ADARB2: variants seen among roughly 807,000 people sequenced by gnomAD.
ADARB2 encodes the protein adenosine deaminase RNA specific B2 (inactive), also known as inactive double-stranded RNA-specific editase B2.
A neutral mutation model predicts 62.2 loss-of-function variants in ADARB2; 25 were observed. The observed-to-expected ratio is 0.40, with a 90% CI of 0.29 to 0.56. ADARB2 has a LOEUF of 0.56. Among genes scored for constraint, ADARB2 ranks in the 20% least tolerant of loss-of-function variants. The pLI is 0.43. For synonymous variants in ADARB2, 572 were observed against 500.8 expected (o/e 1.14, Z -1.90); for missense variants, 1,071 against 1,077.4 (o/e 0.99, Z 0.08).
At chr10:1,245,902 G>C (rs1830982275) in intron 4 of ADARB2, among the ~76,000 whole-genome samples, 1 of 151,524 alleles carries the variant, frequency 6.6e-6, no homozygotes, top group Non-Finnish European at 1.5e-5. Flanking sequence ...AGATCCCTGA[G>C]GAATCACCAT....
intron 3 of ADARB2, among the ~76,000 whole-genome samples, chr10:1,322,512 G>A (rs1349242987): frequency 2.0e-5 from 3 of 152,176 alleles, no homozygotes; most frequent in Non-Finnish European, 4.4e-5. Context: ...GGAGAATGAT[G>A]AGAAAAGAAG....
At chr10:1,729,906 G>C (rs969990837) in intron 1 of ADARB2, among the ~76,000 whole-genome samples, 3 of 152,226 alleles carry the variant, frequency 2.0e-5, no homozygotes, top group African/African-American at 7.2e-5. Context: ...CAGAGCTTCT[G>C]TCTGTCGGCA....
intron 1 of ADARB2, among the ~76,000 whole-genome samples, chr10:1,512,239 G>A (rs1331027664): frequency 1.3e-5 from 2 of 151,842 alleles, no homozygotes; most frequent in African/African-American, 2.4e-5. Context: ...TGTTGATGCT[G>A]TCTACACTGG....
At chr10:1,469,666 A>G (rs1831297275) in intron 1 of ADARB2, among the ~76,000 whole-genome samples, 1 of 152,314 alleles carries the variant, frequency 6.6e-6, no homozygotes, top group African/African-American at 2.4e-5. Flanking sequence ...CAAAAAAGAA[A>G]ACAGTGCTTT....
chr10:1,505,130 G>C (rs1051067680), intron 1 of ADARB2, among the ~76,000 whole-genome samples: 3 of 150,748 alleles, frequency 2.0e-5, no homozygotes, highest in Non-Finnish European at 4.4e-5. Flanking sequence ...ACATAGACAT[G>C]CACACATACA....
intron 1 of ADARB2, among the ~76,000 whole-genome samples, chr10:1,719,022 G>A (rs532482848): frequency 6.0e-4 from 91 of 152,124 alleles, no homozygotes; most frequent in Non-Finnish European, 9.6e-4. Context: ...GTGCAGTGGC[G>A]TGATGTCAGC....
At chr10:1,247,485 T>C (rs1019112365) in intron 4 of ADARB2, among the ~76,000 whole-genome samples, 2 of 152,180 alleles carry the variant, frequency 1.3e-5, no homozygotes, top group African/African-American at 2.4e-5. Flanking sequence ...ATAGCTCTTA[T>C]TATTTTGAGA....
chr10:1,421,176 C>G (rs553500972), intron 1 of ADARB2, among the ~76,000 whole-genome samples: 2 of 152,078 alleles, frequency 1.3e-5, no homozygotes, highest in South Asian at 4.2e-4. Context: ...TTGATTAACC[C>G]GGACCAAAGG....
At chr10:1,578,996 C>T (rs1833059762) in intron 1 of ADARB2, among the ~76,000 whole-genome samples, 1 of 152,152 alleles carries the variant, frequency 6.6e-6, no homozygotes. Context: ...GCAAGCCTGG[C>T]CCATCAGGGC....
intron 1 of ADARB2, among the ~76,000 whole-genome samples, chr10:1,617,069 G>C (rs562554474): frequency 4.7e-5 from 7 of 148,286 alleles, no homozygotes; most frequent in Middle Eastern, 3.9e-3. Flanking sequence ...ACTGACCTCA[G>C]AGGGTTACAT....
intron 1 of ADARB2, among the ~76,000 whole-genome samples, chr10:1,702,809 T>C (rs1834839542): frequency 6.6e-6 from 1 of 152,260 alleles, no homozygotes; most frequent in Admixed American, 6.5e-5. Flanking sequence ...TAGAGGAATG[T>C]TTCACCACAT....
At chr10:1,351,690 C>G (rs187062297) in intron 3 of ADARB2, among the ~76,000 whole-genome samples, 2 of 152,024 alleles carry the variant, frequency 1.3e-5, no homozygotes, top group Non-Finnish European at 2.9e-5. Context: ...CCCATTAAAA[C>G]CTAATCACCG....
chr10:1,585,338 T>C (rs998250236), intron 1 of ADARB2, among the ~76,000 whole-genome samples: 1 of 152,146 alleles, frequency 6.6e-6, no homozygotes, highest in Non-Finnish European at 1.5e-5. Flanking sequence ...GGGAACTGCA[T>C]CGGACAAACC....
intron 1 of ADARB2, among the ~76,000 whole-genome samples, chr10:1,670,394 AT>A (rs2119100454): frequency 6.6e-6 from 1 of 152,348 alleles, no homozygotes; most frequent in African/African-American, 2.4e-5. Flanking sequence ...CTTAGGGCAC[AT>A]TATTTCAAAA....
At chr10:1,211,841 G>A (rs1350085145) in intron 7 of ADARB2, among the ~76,000 whole-genome samples, 4 of 152,172 alleles carry the variant, frequency 2.6e-5, no homozygotes, top group African/African-American at 9.7e-5. Context: ...AAAATAATTT[G>A]GAGTGGTGAG....
At chr10:1,528,638 C>T (rs1397306023) in intron 1 of ADARB2, among the ~76,000 whole-genome samples, 1 of 152,254 alleles carries the variant, frequency 6.6e-6, no homozygotes, top group African/African-American at 2.4e-5. Context: ...CCACACCCCT[C>T]CTGTCATGCT....
chr10:1,539,349 C>G lies in ADARB2; in HGVS notation c.101-160189G>C, dbSNP rs969860453. On this transcript the variant is annotated intron_variant, in intron 1 of 9. Coordinates refer to ENST00000381312, the MANE Select transcript of ADARB2 (RefSeq NM_018702.4). ...GCCTTGCAGGTGTTAGGCACTCACTCCACAGCGGCTGGTGCCATTTTCTCC... is the reference window on the plus strand; with the variant it reads ...GCCTTGCAGGTGTTAGGCACTCACTGCACAGCGGCTGGTGCCATTTTCTCC... Among the ~76,000 whole-genome samples, 52 of 152,230 alleles carry G rather than the reference C, an allele frequency of 3.4e-4. 1 individual carries two copies. The highest frequency in any genetic ancestry group is 2.8e-4 in the Non-Finnish European group (19 of 68,048).
intron 2 of ADARB2, 60 bp from the exon 3 acceptor site, chr10:1,363,977 A>G (rs891523017): frequency 1.4e-6 from 2 of 1,411,626 alleles, no homozygotes; most frequent in African/African-American, 3.0e-5. Context: ...CGATGGGCAC[A>G]GCAGGCACTC....
chr10:1,520,253 G>A (rs1243190827), intron 1 of ADARB2, among the ~76,000 whole-genome samples: 2 of 152,158 alleles, frequency 1.3e-5, no homozygotes, highest in Admixed American at 6.5e-5. Context: ...TGCATCATAT[G>A]ACCCTGTTTT....
Sources: gnomAD v4.1 joint callset for allele counts (sites outside exome capture counted in the v4.1 genomes callset) on GRCh38, gnomAD v4.1.1 for gene constraint, MANE v1.5 for transcripts, NCBI Gene and HGNC (gene_info 2026-07-23, HGNC 2026-07-21) for gene names.